The following FHIT variants were observed in gnomAD, a reference collection of about 807,000 sequenced individuals.
The protein encoded by FHIT is fragile histidine triad diadenosine triphosphatase.
Under a neutral mutation model 17.9 loss-of-function variants are expected in FHIT, and 19 were observed. The observed-to-expected ratio is 1.06, with a 90% confidence interval of 0.74 to 1.56. The LOEUF (loss-of-function observed/expected upper bound fraction) is 1.56. Ranked by LOEUF, FHIT falls within the 40% of genes most tolerant of loss-of-function variation. FHIT has a pLI of 0.00. For missense variants in FHIT, 248 were observed against 189.2 expected, an observed-to-expected ratio of 1.31 and a Z score of -1.82; for synonymous variants, 81 against 69.7, an observed-to-expected ratio of 1.16 and a Z score of -0.81.
intron 3 of FHIT, among the ~76,000 whole-genome samples, chr3:60,878,278 A>T (rs1319752609): frequency 6.6e-6 from 1 of 152,056 alleles, no homozygotes; most frequent in Non-Finnish European, 1.5e-5. Flanking sequence ...GAGCCACAAT[A>T]GGCTTGTGAA....
At chr3:61,222,083 CCCT>C (rs2039854677) in intron 1 of FHIT, among the ~76,000 whole-genome samples, 1 of 152,220 alleles carries the variant, frequency 6.6e-6, no homozygotes, top group South Asian at 2.1e-4. Context: ...TCTGGTTGTG[CCCT>C]CCTCTGAACT....
rs553035920 is a variant in FHIT, at chr3:61,127,968, G to T, written c.-164+72649C>A. On this transcript the variant is annotated intron_variant, in intron 2 of 9. Transcript: ENST00000492590. ...TATTTATGGTTTGTTGATTTTAAAA[G>T]AGGCTTTGTTAAAACGAAAGTATTA... Among the ~76,000 whole-genome samples, 9 of 152,300 alleles carry T rather than the reference G, an allele frequency of 5.9e-5. No homozygotes were observed. The South Asian group carries it at 1.7e-3, about 28-fold the overall frequency.
In FHIT at chr3:60,174,458, A is replaced by G. The variant is rs188194895; in HGVS notation, c.104-160306T>C. 5.7e-3 allele frequency among the ~76,000 whole-genome samples: 874 copies of G among 152,242 alleles called. 11 individuals are homozygous for G. Among genetic ancestry groups the G allele is most frequent in the Non-Finnish European group, 5.9e-3 (402 of 68,018 alleles). On this transcript the variant is annotated intron_variant, in intron 5 of 9. Transcript: ENST00000492590. ...TTTTGTTTATGTTTATATGCATCTTATATTTCCCTGAAAACTAATTAACAC... is the reference window on the plus strand; with the variant it reads ...TTTTGTTTATGTTTATATGCATCTTGTATTTCCCTGAAAACTAATTAACAC...
At chr3:60,504,219 A>C (rs7621164) in intron 5 of FHIT, among the ~76,000 whole-genome samples, 31,347 of 152,022 alleles carry the variant, frequency 0.21, 4,036 homozygotes, top group African/African-American at 0.35. Flanking sequence ...GCAGATCATG[A>C]GGTCAGGAGA....
intron 2 of FHIT, among the ~76,000 whole-genome samples, chr3:61,139,774 T>A (rs2037023014): frequency 6.6e-6 from 1 of 152,138 alleles, no homozygotes; most frequent in South Asian, 2.1e-4. Flanking sequence ...AAGTAGGGTT[T>A]GCGGTACACA....
chr3:60,011,804 G>A (rs891372074), intron 6 of FHIT, among the ~76,000 whole-genome samples: 1 of 152,148 alleles, frequency 6.6e-6, no homozygotes, highest in Non-Finnish European at 1.5e-5. Context: ...ATAAACATAA[G>A]CCATTAAGGA....
At chr3:60,443,055 C>T (rs2031032892) in intron 5 of FHIT, among the ~76,000 whole-genome samples, 1 of 152,084 alleles carries the variant, frequency 6.6e-6, no homozygotes, top group African/African-American at 2.4e-5. Context: ...GGAGTTCACT[C>T]ATGATTTGGC....
chr3:59,809,586 C>G (rs992878743), intron 8 of FHIT, among the ~76,000 whole-genome samples: 1 of 152,174 alleles, frequency 6.6e-6, no homozygotes, highest in Non-Finnish European at 1.5e-5. Context: ...GGAAAAGGCT[C>G]TTAGTTCTCA....
intron 4 of FHIT, among the ~76,000 whole-genome samples, chr3:60,674,144 T>G (rs183130912): frequency 3.9e-5 from 6 of 152,270 alleles, no homozygotes; most frequent in African/African-American, 1.2e-4. Context: ...TGATCTGTCT[T>G]AAAGTTTCCT....
At chr3:60,068,463 G>A (rs185321139) in intron 5 of FHIT, among the ~76,000 whole-genome samples, 3 of 152,312 alleles carry the variant, frequency 2.0e-5, no homozygotes, top group Admixed American at 6.5e-5. Flanking sequence ...CAGACATCAT[G>A]TTGGCTCCAT....
rs59951227 is a variant in FHIT, at chr3:60,353,477, T to C, written c.103+183383A>G. 6.2e-3 allele frequency among the ~76,000 whole-genome samples: 940 copies of C among 152,220 alleles called. 9 individuals are homozygous for C. Among genetic ancestry groups the C allele is most frequent in the African/African-American group, 0.021 (888 of 41,544 alleles). ...AGGGCACACAGAACCTGAACCTCAG[T>C]ACCAGGTGTTCCCTACATCTCCTTC... On this transcript the variant is annotated intron_variant, in intron 5 of 9. Coordinates refer to ENST00000492590, the MANE Select transcript of FHIT (RefSeq NM_002012.4).
chr3:60,526,167 C>T (rs899369297), intron 5 of FHIT, among the ~76,000 whole-genome samples: 1 of 148,530 alleles, frequency 6.7e-6, no homozygotes, highest in African/African-American at 2.5e-5. Flanking sequence ...CACACACAAA[C>T]AGGTGACAGG....
At chr3:59,917,916 A>G (rs901094765) in intron 8 of FHIT, among the ~76,000 whole-genome samples, 2 of 152,242 alleles carry the variant, frequency 1.3e-5, no homozygotes, top group African/African-American at 4.8e-5. Flanking sequence ...CAAGTTAGTT[A>G]TCAACTTCGA....
chr3:60,556,705 G>A lies in FHIT; in HGVS notation c.-17-19726C>T, dbSNP rs148113616. ...AAAATGAGGGCCTGGGGTGGGTTTT[G>A]GAATAGCAACACCCTGAAGGTAATA... On this transcript the variant is annotated intron_variant, in intron 4 of 9. Coordinates refer to ENST00000492590, the MANE Select transcript of FHIT (RefSeq NM_002012.4). 7.4e-3 allele frequency among the ~76,000 whole-genome samples: 1,127 copies of A among 152,318 alleles called. 11 individuals are homozygous for A. The highest frequency in any genetic ancestry group is 0.011 in the Non-Finnish European group (741 of 68,022).
At chr3:60,667,181 CAAAT>C in intron 4 of FHIT, among the ~76,000 whole-genome samples, 1 of 151,758 alleles carries the variant, frequency 6.6e-6, no homozygotes, top group South Asian at 2.1e-4. Context: ...GTCAGCTAAT[CAAAT>C]ACTCTTTCAG....
chr3:60,184,302 G>A (rs1479929583), intron 5 of FHIT, among the ~76,000 whole-genome samples: 1 of 151,918 alleles, frequency 6.6e-6, no homozygotes, highest in Non-Finnish European at 1.5e-5. Context: ...AATCTAATAT[G>A]CTTTTTCTAC....
intron 4 of FHIT, among the ~76,000 whole-genome samples, chr3:60,751,831 TG>T (rs1403127683): frequency 3.3e-5 from 5 of 152,334 alleles, no homozygotes; most frequent in East Asian, 1.9e-4. Flanking sequence ...GCTTATTCAT[TG>T]TTTTTTTATA....
chr3:60,155,036 CA>C lies in FHIT; in HGVS notation c.104-140885del, dbSNP rs552505205. ...GCAACATAGTGAGATCCCAGTTTTACAAAAAAAAATTAGCCAGGCATGCACC... is the reference window on the plus strand; with the variant it reads ...GCAACATAGTGAGATCCCAGTTTTACAAAAAAAATTAGCCAGGCATGCACC... On this transcript the variant is annotated intron_variant, in intron 5 of 9. Transcript: ENST00000492590. 1.5e-4 allele frequency among the ~76,000 whole-genome samples: 22 copies of C among 150,930 alleles called. No homozygotes were observed. In the South Asian group the frequency reaches 3.8e-3, roughly 26 times the overall value.
At chr3:60,606,792 A>C (rs1482797298) in intron 4 of FHIT, among the ~76,000 whole-genome samples, 1 of 152,142 alleles carries the variant, frequency 6.6e-6, no homozygotes, top group Non-Finnish European at 1.5e-5. Context: ...ATGGCTTCTT[A>C]ATAGCCAAGT....
Sources: gnomAD v4.1 joint callset for allele counts (sites outside exome capture counted in the v4.1 genomes callset) on GRCh38, gnomAD v4.1.1 for gene constraint, MANE v1.5 for transcripts, NCBI Gene and HGNC (gene_info 2026-07-23, HGNC 2026-07-21) for gene names.